The following TMEM184B variants were observed in gnomAD, a reference collection of about 807,000 sequenced individuals.
The protein encoded by TMEM184B is transmembrane protein 184B.
A neutral mutation model predicts 41.8 loss-of-function variants in TMEM184B; 17 were observed. That is an observed-to-expected ratio of 0.41 (90% CI 0.28 to 0.61). The LOEUF is 0.61. Ranked by LOEUF, TMEM184B falls within the 20% of genes least tolerant of loss-of-function variation. The pLI is 0.34. For missense variants in TMEM184B, 393 were observed against 557.8 expected, an observed-to-expected ratio of 0.70 and a Z score of 2.98; for synonymous variants, 240 against 229.5, an observed-to-expected ratio of 1.05 and a Z score of -0.41.
Position 38,220,955 on chromosome 22 carries a change from A to G in TMEM184B, c.*514T>C. On this transcript the variant is annotated 3_prime_UTR_variant, in exon 9 of 9. Coordinates refer to ENST00000361906, the MANE Select transcript of TMEM184B (RefSeq NM_012264.5). The stretch of plus-strand genomic sequence containing the variant: ...AGGAGGGGAGGACCACAGAGCGCCC[A>G]CATCCCCACTCCTGCCCGGGGTGAG... The G allele has an allele frequency of 1.0e-6, 1 of 989,042 alleles. No individual in the cohort carries two copies. Among genetic ancestry groups the G allele is most frequent in the South Asian group, 4.7e-5 (1 of 21,462 alleles). The allele number at this position is 989,042 out of a possible 1,614,324, so 61.3% of individuals were successfully genotyped here.
At chr22:38,231,530 C>T (rs1415870520) in intron 3 of TMEM184B, 196 bp from the exon 4 acceptor site, 1 of 699,972 alleles carries the variant, frequency 1.4e-6, no homozygotes, top group African/African-American at 1.8e-5. Flanking sequence ...AAGTTCAAAA[C>T]CCGGCACACC....
intron 1 of TMEM184B, among the ~76,000 whole-genome samples, chr22:38,265,884 C>T (rs1011410855): frequency 2.0e-5 from 3 of 152,294 alleles, no homozygotes; most frequent in South Asian, 2.1e-4. Context: ...TATTTTCTCT[C>T]GGAGCTTTTC....
intron 3 of TMEM184B, among the ~76,000 whole-genome samples, chr22:38,244,486 C>T (rs867176914): frequency 6.6e-5 from 10 of 150,450 alleles, no homozygotes; most frequent in Admixed American, 2.6e-4. Flanking sequence ...GACAGAGTTT[C>T]GCTCTTGTTG....
Position 38,226,992 on chromosome 22 carries a change from G to A in TMEM184B, c.526-122C>T. 1.0e-6 allele frequency: 1 copy of A among 995,272 alleles called. No homozygotes were observed. The highest frequency in any genetic ancestry group is 1.5e-6 in the Non-Finnish European group (1 of 662,932). 61.7% of individuals were successfully genotyped at this position (995,272 alleles called of 1,614,324 possible). On this transcript the variant is annotated intron_variant, in intron 5 of 8. Coordinates refer to ENST00000361906, the MANE Select transcript of TMEM184B (RefSeq NM_012264.5). The surrounding 1 kb of genome is among the most constrained non-coding windows in gnomAD (Gnocchi z 4.6). ...ACAGAGAGGATGAAGGAGACGGAGA[G>A]GACGGAGGGATGGAGGGACGGAGGG...
At chr22:38,228,718 C>A (rs1007108806) in intron 5 of TMEM184B, among the ~76,000 whole-genome samples, 4 of 152,138 alleles carry the variant, frequency 2.6e-5, no homozygotes, top group Non-Finnish European at 1.5e-5. Context: ...TGTGCTCTCT[C>A]GCCCTGGTAA....
At chr22:38,260,029 C>T (rs1458663589) in intron 1 of TMEM184B, among the ~76,000 whole-genome samples, 4 of 150,884 alleles carry the variant, frequency 2.7e-5, no homozygotes, top group Non-Finnish European at 4.4e-5. Context: ...CTGCAACCTC[C>T]GCCTCCCAGT....
chr22:38,248,673 C>A (rs945524879), intron 1 of TMEM184B, among the ~76,000 whole-genome samples: 5 of 152,218 alleles, frequency 3.3e-5, no homozygotes, highest in African/African-American at 1.2e-4. Context: ...CTGTTCCCCC[C>A]ACCCCACCTA....
At chr22:38,231,566 C>A in intron 3 of TMEM184B, 1 of 656,612 alleles carries the variant, frequency 1.5e-6, no homozygotes, top group Non-Finnish European at 2.8e-6. Flanking sequence ...CGGGATGCAC[C>A]CCTGCACTGG....
chr22:38,261,978 A>C (rs1221357076), intron 1 of TMEM184B, among the ~76,000 whole-genome samples: 1 of 151,544 alleles, frequency 6.6e-6, no homozygotes, highest in Non-Finnish European at 1.5e-5. Flanking sequence ...ACGCGCCCCC[A>C]AAGACAAGAA....
At chr22:38,245,504 T>A (rs1471207334) in intron 3 of TMEM184B, among the ~76,000 whole-genome samples, 2 of 147,442 alleles carry the variant, frequency 1.4e-5, no homozygotes, top group African/African-American at 5.1e-5. Flanking sequence ...TCCAGGTACC[T>A]GTCTGAGACG....
At chr22:38,245,847 A>C in intron 3 of TMEM184B, 88 bp downstream of exon 3, 2 of 1,375,036 alleles carry the variant, frequency 1.5e-6, no homozygotes, top group Non-Finnish European at 2.0e-6. Flanking sequence ...GACAGTCCTC[A>C]TGAAGCCCCT....
chr22:38,258,241 ACT>A (rs1435904105), intron 1 of TMEM184B, among the ~76,000 whole-genome samples: 2 of 151,924 alleles, frequency 1.3e-5, no homozygotes, highest in African/African-American at 4.8e-5. Context: ...GTCCAGGTGC[ACT>A]GTCCTGTAGC....
chr22:38,265,410 TC>T (rs908009960), intron 1 of TMEM184B, among the ~76,000 whole-genome samples: 1 of 152,100 alleles, frequency 6.6e-6, no homozygotes, highest in African/African-American at 2.4e-5. Context: ...ACACTGGCCT[TC>T]CCAGTGTGGC....
intron 5 of TMEM184B, among the ~76,000 whole-genome samples, chr22:38,228,687 C>G (rs1419531780): frequency 2.6e-5 from 4 of 152,126 alleles, no homozygotes; most frequent in African/African-American, 9.7e-5. Context: ...GTCTCTGTGC[C>G]TCTAGGACAA....
intron 1 of TMEM184B, among the ~76,000 whole-genome samples, chr22:38,258,453 A>AC (rs1321547611): frequency 1.3e-5 from 2 of 152,070 alleles, no homozygotes; most frequent in Non-Finnish European, 2.9e-5. Context: ...GGCATAAGCC[A>AC]CATGCCCGGC....
intron 3 of TMEM184B, among the ~76,000 whole-genome samples, chr22:38,245,108 G>A (rs2091994286): frequency 6.6e-6 from 1 of 152,190 alleles, no homozygotes; most frequent in Non-Finnish European, 1.5e-5. Flanking sequence ...GCACCCACTC[G>A]TGGGACAAAG....
intron 5 of TMEM184B, 136 bp downstream of exon 5, chr22:38,230,533 G>C: frequency 2.5e-6 from 2 of 794,694 alleles, no homozygotes; most frequent in Non-Finnish European, 4.1e-6. Flanking sequence ...TAACAGCTTC[G>C]GGGGGTGGGT....
intron 3 of TMEM184B, among the ~76,000 whole-genome samples, chr22:38,243,946 T>C (rs1288756626): frequency 6.6e-6 from 1 of 151,812 alleles, no homozygotes; most frequent in African/African-American, 2.4e-5. Flanking sequence ...GGATGGGTGC[T>C]GGGAGTGAGA....
At chr22:38,252,532 T>G (rs1462780491) in intron 1 of TMEM184B, among the ~76,000 whole-genome samples, 1 of 152,230 alleles carries the variant, frequency 6.6e-6, no homozygotes, top group African/African-American at 2.4e-5. Flanking sequence ...CCATTCTTCA[T>G]GCCTTCTCTA....
Sources: allele counts gnomAD v4.1 joint callset (sites outside exome capture counted in the v4.1 genomes callset), GRCh38; gene constraint gnomAD v4.1.1; non-coding constraint Gnocchi (gnomAD v3.1); transcripts MANE v1.5; gene names NCBI Gene and HGNC (gene_info 2026-07-23, HGNC 2026-07-21).